THNSL1: variants seen among roughly 807,000 people sequenced by gnomAD.
THNSL1 encodes the protein threonine synthase-like 1.
Under a neutral mutation model 50.4 loss-of-function variants are expected in THNSL1, and 48 were observed. The ratio of observed to expected loss-of-function variants is 0.95; its 90% CI spans 0.76 to 1.21. THNSL1 has a LOEUF of 1.21. Among genes scored for constraint, THNSL1 ranks in the 50% most tolerant of loss-of-function variants. The pLI is 0.00. For synonymous variants in THNSL1, 309 were observed against 306.1 expected (o/e 1.01, Z -0.10); for missense variants, 896 against 871.7 (o/e 1.03, Z -0.35).
intron 1 of THNSL1, among the ~76,000 whole-genome samples, chr10:25,019,364 C>T (rs1850673314): frequency 6.6e-6 from 1 of 152,138 alleles, no homozygotes; most frequent in Non-Finnish European, 1.5e-5. Context: ...GTCCCAGCTA[C>T]TTGGGAGGCT....
chr10:24,984,985 A>G, the THNSL1 span: 1 of 1,079,908 alleles, frequency 9.3e-7, no homozygotes, highest in East Asian at 2.4e-5. Context: ...TTGGTAATGA[A>G]AAATGTCAAT....
At chr10:24,990,718 T>G in the THNSL1 span, 5 of 1,141,612 alleles carry the variant, frequency 4.4e-6, no homozygotes, top group East Asian at 9.9e-5. Flanking sequence ...ACTAAATCCT[T>G]TGTTCAAAAC....
At chr10:24,976,285 A>G in the THNSL1 span, among the ~76,000 whole-genome samples, 1 of 152,164 alleles carries the variant, frequency 6.6e-6, no homozygotes, top group African/African-American at 2.4e-5. Flanking sequence ...ATCTAGAGTT[A>G]ATAAACAAGT....
At chr10:24,997,547 T>C in the THNSL1 span, among the ~76,000 whole-genome samples, 2 of 151,652 alleles carry the variant, frequency 1.3e-5, no homozygotes, top group African/African-American at 4.8e-5. Flanking sequence ...TCAGCACACC[T>C]AGCTAATTAA....
At chr10:24,988,920 C>T in the THNSL1 span, among the ~76,000 whole-genome samples, 16 of 151,600 alleles carry the variant, frequency 1.1e-4, no homozygotes, top group African/African-American at 1.9e-4. Flanking sequence ...GGAGGCCAGC[C>T]GGTGGCTTTG....
At chr10:24,984,581 T>G in the THNSL1 span, 1 of 1,012,390 alleles carries the variant, frequency 9.9e-7, no homozygotes, top group Non-Finnish European at 1.4e-6. Flanking sequence ...AGTGAATAAC[T>G]CAATTATTCT....
At chr10:24,967,153 T>C in the THNSL1 span, among the ~76,000 whole-genome samples, 4 of 152,152 alleles carry the variant, frequency 2.6e-5, no homozygotes, top group Non-Finnish European at 5.9e-5. Flanking sequence ...CTCCTGAGTC[T>C]TCTTTTTCTG....
the THNSL1 span, among the ~76,000 whole-genome samples, chr10:24,967,565 C>T: frequency 6.6e-5 from 10 of 152,232 alleles, no homozygotes; most frequent in African/African-American, 2.4e-4. Context: ...TTACAAGAGA[C>T]TTTTCATCAG....
At chr10:25,018,669 T>TTTG (rs1212100841) in intron 1 of THNSL1, among the ~76,000 whole-genome samples, 3 of 150,592 alleles carry the variant, frequency 2.0e-5, no homozygotes, top group African/African-American at 7.4e-5. Flanking sequence ...GTTTTTTTTT[T>TTTG]TTTTTTTTTT....
At chr10:25,000,570 C>G in the THNSL1 span, among the ~76,000 whole-genome samples, 1 of 152,224 alleles carries the variant, frequency 6.6e-6, no homozygotes, top group East Asian at 1.9e-4. Context: ...AAATAACACT[C>G]TATTCCTTTT....
At chr10:24,969,624 T>C in the THNSL1 span, among the ~76,000 whole-genome samples, 7,088 of 151,654 alleles carry the variant, frequency 0.047, 428 homozygotes, top group African/African-American at 0.14. Flanking sequence ...AAAATACAAA[T>C]AAGAGCAGTT....
the THNSL1 span, chr10:24,952,477 C>T: frequency 6.5e-7 from 1 of 1,538,756 alleles, no homozygotes; most frequent in Non-Finnish European, 8.8e-7. This position sits in a 1 kb window ranked among gnomAD's most constrained non-coding sequence, Gnocchi z 5.1. Context: ...AGCAGGGTGC[C>T]AGGGAGGGAG....
At chr10:24,963,268 C>G in the THNSL1 span, among the ~76,000 whole-genome samples, 1 of 152,178 alleles carries the variant, frequency 6.6e-6, no homozygotes, top group African/African-American at 2.4e-5. Flanking sequence ...TACTCATTAC[C>G]TTTCACCGTG....
the THNSL1 span, among the ~76,000 whole-genome samples, chr10:24,977,055 C>T: frequency 6.6e-6 from 1 of 152,098 alleles, no homozygotes; most frequent in African/African-American, 2.4e-5. Context: ...GAAAGCATTG[C>T]TTTCTTAATG....
chr10:25,003,114 T>C, the THNSL1 span, among the ~76,000 whole-genome samples: 1 of 152,060 alleles, frequency 6.6e-6, no homozygotes, highest in Admixed American at 6.5e-5. Context: ...GTCTCCTCCA[T>C]CTCTCCAATA....
At chr10:24,972,628 G>A in the THNSL1 span, among the ~76,000 whole-genome samples, 1 of 152,186 alleles carries the variant, frequency 6.6e-6, no homozygotes, top group Non-Finnish European at 1.5e-5. Context: ...TTTGATATTA[G>A]TTGAAGGAAG....
At chr10:25,004,844 G>A in the THNSL1 span, among the ~76,000 whole-genome samples, 1 of 152,158 alleles carries the variant, frequency 6.6e-6, no homozygotes, top group Non-Finnish European at 1.5e-5. Flanking sequence ...CCGTGCCTAT[G>A]TCCTGAATGG....
the THNSL1 span, among the ~76,000 whole-genome samples, chr10:24,993,877 G>A: frequency 6.6e-6 from 1 of 152,174 alleles, no homozygotes; most frequent in African/African-American, 2.4e-5. Flanking sequence ...GTGGTGGCAT[G>A]ACCAGTAAAG....
intron 2 of THNSL1, among the ~76,000 whole-genome samples, chr10:25,022,292 C>A (rs1029243741): frequency 6.6e-6 from 1 of 152,150 alleles, no homozygotes; most frequent in Non-Finnish European, 1.5e-5. Flanking sequence ...TGTCTCTCAT[C>A]ATTGGAAACA....
Sources: gnomAD v4.1 joint callset for allele counts (sites outside exome capture counted in the v4.1 genomes callset) on GRCh38, gnomAD v4.1.1 for gene constraint, Gnocchi (gnomAD v3.1) non-coding constraint, MANE v1.5 for transcripts, NCBI Gene and HGNC (gene_info 2026-07-23, HGNC 2026-07-21) for gene names.